The following SEPTIN6 variants were observed in gnomAD, a reference collection of about 807,000 sequenced individuals.
SEPTIN6 encodes the protein septin 6.
In SEPTIN6, 8 loss-of-function variants were observed where a neutral mutation model predicts 33.6. That is an observed-to-expected ratio of 0.24 (90% confidence interval 0.14 to 0.43). SEPTIN6 has a LOEUF of 0.43. Ranked by LOEUF, SEPTIN6 falls within the 20% of genes least tolerant of loss-of-function variation. The probability of loss-of-function intolerance (pLI) is 1.00; values close to 1 mark genes in which losing one functional copy is unlikely to be tolerated. For synonymous variants in SEPTIN6, 131 were observed against 140.0 expected (o/e 0.94, Z 0.45); for missense variants, 250 against 340.8 (o/e 0.73, Z 2.10).
At chrX:119,620,582 G>A (rs1433858054) in intron 10 of SEPTIN6, among the ~76,000 whole-genome samples, 4 of 109,647 alleles carry the variant, frequency 3.6e-5, no homozygotes, top group African/African-American at 1.3e-4. Flanking sequence ...GCCTCCCAAA[G>A]TGCTGGGATT....
intron 1 of SEPTIN6, among the ~76,000 whole-genome samples, chrX:119,683,150 G>A (rs1223193615): frequency 8.9e-6 from 1 of 112,659 alleles, no homozygotes; most frequent in African/African-American, 3.2e-5. Context: ...CCAGTTGGGA[G>A]GCTGAGGCAG....
In SEPTIN6 at chrX:119,617,033, G is replaced by C; in HGVS notation, c.*3060C>G. On this transcript the variant is annotated 3_prime_UTR_variant, in exon 11 of 11. Coordinates refer to ENST00000394610, the MANE Select transcript of SEPTIN6 (RefSeq NM_145799.4). ...GATTAAAACAAAAAAACAAAAACAAGAGCCATCTACACTGCAGCTAGGGAA... is the reference window on the plus strand; with the variant it reads ...GATTAAAACAAAAAAACAAAAACAACAGCCATCTACACTGCAGCTAGGGAA... 1.1e-6 allele frequency: 1 copy of C among 924,926 alleles called. No homozygotes were observed. Among genetic ancestry groups the C allele is most frequent in the South Asian group, 3.7e-5 (1 of 27,186 alleles). 76.2% of individuals were successfully genotyped at this position (924,926 alleles called of 1,213,427 possible). A position where few individuals can be genotyped will look rare whatever the true frequency, so the allele number is the denominator to read the frequency against.
At chrX:119,647,473 T>TTC (rs200274334) in intron 5 of SEPTIN6, among the ~76,000 whole-genome samples, 1 of 77,686 alleles carries the variant, frequency 1.3e-5, no homozygotes, top group Non-Finnish European at 2.3e-5. Flanking sequence ...TTCCTTTCCT[T>TTC]TCTCTCTCTC....
intron 8 of SEPTIN6, among the ~76,000 whole-genome samples, chrX:119,632,202 T>C (rs1020531228): frequency 9.8e-6 from 1 of 102,297 alleles, no homozygotes; most frequent in Non-Finnish European, 2.0e-5. Context: ...CTGTCTGACA[T>C]TTTTTTTTTT....
At chrX:119,669,131 C>G (rs937113513) in intron 2 of SEPTIN6, among the ~76,000 whole-genome samples, 18 of 112,881 alleles carry the variant, frequency 1.6e-4, no homozygotes, top group East Asian at 1.1e-3. Flanking sequence ...GTAACTAGTC[C>G]AAGGTCACAA....
rs1020944877 is a variant in SEPTIN6, at chrX:119,617,110, G to A, written c.*2983C>T. 1.7e-6 allele frequency: 1 copy of A among 576,680 alleles called. No individual in the cohort carries two copies. Among genetic ancestry groups the A allele is most frequent in the African/African-American group, 5.5e-5 (1 of 18,064 alleles). The allele number at this position is 576,680 out of a possible 1,213,427, so 47.5% of individuals were successfully genotyped here. A position where few individuals can be genotyped will look rare whatever the true frequency, so the allele number is the denominator to read the frequency against. On this transcript the variant is annotated 3_prime_UTR_variant, in exon 11 of 11. Coordinates refer to ENST00000394610, the MANE Select transcript of SEPTIN6 (RefSeq NM_145799.4). ...GAGGGATGTGTGTACGTGTGTGTGT[G>A]TGTGTGTGTGTGTGTGTGTGTGTGT... is the stretch of plus-strand genomic sequence containing the variant.
In SEPTIN6 at chrX:119,620,065, G is replaced by A; in HGVS notation, c.*42-14C>T. On this transcript the variant is annotated splice_polypyrimidine_tract_variant and intron_variant, in intron 10 of 10. Coordinates refer to ENST00000394610, the MANE Select transcript of SEPTIN6 (RefSeq NM_145799.4). ...AGGAAGCCCAAACTGAAAATGAAAA[G>A]AGAAGCTGAGTTAATGAATGGATAG... The A allele has an allele frequency of 8.7e-7, 1 of 1,154,758 alleles. No individual in the cohort carries two copies. Among genetic ancestry groups the A allele is most frequent in the East Asian group, 3.0e-5 (1 of 33,104 alleles).
chrX:119,669,063 A>G (rs1428906528), intron 2 of SEPTIN6, among the ~76,000 whole-genome samples: 1 of 112,055 alleles, frequency 8.9e-6, no homozygotes, highest in African/African-American at 3.2e-5. Context: ...GAGTTACTTC[A>G]CTTAGCATAA....
At chrX:119,616,755 G>C (rs1338817869), downstream of SEPTIN6, 2 of 1,177,480 alleles carry the variant, frequency 1.7e-6, no homozygotes, top group Non-Finnish European at 2.3e-6. Context: ...GGAAAGGAGA[G>C]AGAAAGAGAA....
intron 6 of SEPTIN6, 80 bp downstream of exon 6, chrX:119,640,612 G>T: frequency 1.2e-6 from 1 of 815,298 alleles, no homozygotes; most frequent in Non-Finnish European, 1.8e-6. Flanking sequence ...TTAGAAACTT[G>T]TCATATAGTG....
intron 6 of SEPTIN6, among the ~76,000 whole-genome samples, chrX:119,639,035 G>A (rs953516173): frequency 7.1e-5 from 8 of 112,423 alleles, no homozygotes; most frequent in Admixed American, 2.8e-4. Flanking sequence ...GTGGGACACT[G>A]TGGGTCCAGA....
chrX:119,637,214 G>T lies in SEPTIN6; in HGVS notation c.788-19C>A, dbSNP rs753346145. ...TTTTCAACTGCATAGCAGGATTTGGGGTATTGAAAGTATGTTGAAAGGAAG... is the reference window on the plus strand; with the variant it reads ...TTTTCAACTGCATAGCAGGATTTGGTGTATTGAAAGTATGTTGAAAGGAAG... On this transcript the variant is annotated intron_variant, in intron 6 of 10. Coordinates refer to ENST00000394610, the MANE Select transcript of SEPTIN6 (RefSeq NM_145799.4). 1 of 1,197,360 alleles carries T rather than the reference G, an allele frequency of 8.4e-7. No homozygotes were observed. The highest frequency in any genetic ancestry group is 1.1e-6 in the Non-Finnish European group (1 of 885,242).
Position 119,675,623 on chromosome X carries a change from C to G in SEPTIN6, c.76G>C (p.Asp26His). The change falls in exon 2 of 11, where the codon GAC becomes CAC. Residue 26 changes from aspartate (D) to histidine (H), a missense_variant. By Grantham distance (81) the Asp-to-His change is moderately conservative (BLOSUM62 -1). This residue lies in a region of SEPTIN6 where 111 missense variants were observed against 113.8 expected (regional missense o/e 0.98). Coordinates refer to ENST00000394610, the MANE Select transcript of SEPTIN6 (RefSeq NM_145799.4). ...TTCACCAGCTGGTCAGGCAAGCTGT[C>G]AAACCCCACATGTCCAGCCAGGGGG... ...TVPLAGHVGF[D>H]SLPDQLVNKS... is the part of the protein sequence containing the mutation. 1 of 1,166,405 alleles carries G rather than the reference C, an allele frequency of 8.6e-7. No individual in the cohort carries two copies. The highest frequency in any genetic ancestry group is 1.2e-6 in the Non-Finnish European group (1 of 869,272).
At chrX:119,661,492 G>C (rs951617190) in intron 3 of SEPTIN6, among the ~76,000 whole-genome samples, 2 of 112,172 alleles carry the variant, frequency 1.8e-5, no homozygotes, top group East Asian at 5.5e-4. Flanking sequence ...GGAAGTGAGT[G>C]TGGCTGTTGT....
At chrX:119,683,335 G>A (rs2054997852) in intron 1 of SEPTIN6, among the ~76,000 whole-genome samples, 1 of 112,318 alleles carries the variant, frequency 8.9e-6, no homozygotes, top group Admixed American at 9.5e-5. Context: ...GTCACCTACT[G>A]GTGGGCCCAA....
At chrX:119,683,057 A>T (rs143899185) in intron 1 of SEPTIN6, among the ~76,000 whole-genome samples, 2,719 of 111,425 alleles carry the variant, frequency 0.024, 39 homozygotes, top group Non-Finnish European at 0.04. Context: ...ATTCGAAACC[A>T]GCCTGGCCAA....
At chrX:119,645,483 C>T (rs762231469) in intron 5 of SEPTIN6, among the ~76,000 whole-genome samples, 6 of 109,814 alleles carry the variant, frequency 5.5e-5, no homozygotes, top group East Asian at 5.7e-4. Context: ...CCACAACCTC[C>T]GTCTCCTGGG....
At chrX:119,678,061 C>T (rs1465819269) in intron 1 of SEPTIN6, among the ~76,000 whole-genome samples, 9 of 110,413 alleles carry the variant, frequency 8.2e-5, no homozygotes, top group Non-Finnish European at 1.3e-4. Context: ...TGGCAAAACC[C>T]CATCTCAACA....
At chrX:119,621,314 T>C (rs2053755767) in intron 10 of SEPTIN6, among the ~76,000 whole-genome samples, 1 of 110,115 alleles carries the variant, frequency 9.1e-6, no homozygotes, top group Non-Finnish European at 1.9e-5. Flanking sequence ...CTCTCTTCCA[T>C]GTAAATTTCA....
Sources: allele counts gnomAD v4.1 joint callset (sites outside exome capture counted in the v4.1 genomes callset), GRCh38; gene constraint gnomAD v4.1.1; regional missense constraint gnomAD v4.1.1; transcripts MANE v1.5; gene names NCBI Gene and HGNC (gene_info 2026-07-23, HGNC 2026-07-21).